The following DHX16 variants were observed in gnomAD, a reference collection of about 807,000 sequenced individuals.
DHX16 encodes pre-mRNA-splicing factor ATP-dependent RNA helicase DHX16.
In DHX16, 81 loss-of-function variants were observed where a neutral mutation model predicts 131.2. The ratio of observed to expected loss-of-function variants is 0.62; its 90% CI spans 0.52 to 0.74. DHX16 has a LOEUF of 0.74. Among genes scored for constraint, DHX16 ranks in the 30% least tolerant of loss-of-function variants. The pLI, the probability that DHX16 is intolerant of heterozygous loss-of-function variation, is 0.00. For missense variants in DHX16, 980 were observed against 1,363.1 expected (o/e 0.72, Z 4.43); for synonymous variants, 440 against 520.2 (o/e 0.85, Z 2.10).
Position 30,656,641 on chromosome 6 carries a change from TG to T in DHX16, c.2266del (p.Gln756ArgfsTer15), listed in dbSNP as rs1462416037. 6.2e-7 allele frequency: 1 copy of T among 1,614,150 alleles called. No individual in the cohort carries two copies. Among genetic ancestry groups the T allele is most frequent in the East Asian group, 2.2e-5 (1 of 44,880 alleles). On this transcript the variant is annotated frameshift_variant, in exon 14 of 20. Coordinates refer to ENST00000376442, the MANE Select transcript of DHX16 (RefSeq NM_003587.5). LOFTEE classifies it high-confidence loss of function. The surrounding 1 kb of genome is among the most constrained non-coding windows in gnomAD (Gnocchi z 5.1). ...CACGACATTGCCCAAGCTGGTCCTCTGGATCTCAGGCACTGTGGTTTCCTCA... is the reference window on the plus strand; with the variant it reads ...CACGACATTGCCCAAGCTGGTCCTCTGATCTCAGGCACTGTGGTTTCCTCA... Reference protein sequence around the residue: ...ELEETTVPEIQRTSLGNVVLL... With the variant: ...ELEETTVPEIXRTSLGNVVLL...
At position 30,662,120 on chromosome 6, in the gene DHX16, G is replaced by A. The variant is rs540843834; in HGVS notation, c.1544+507C>T. The A allele has an allele frequency of 5.8e-6, 3 of 519,430 alleles. No homozygotes were observed. Among genetic ancestry groups the A allele is most frequent in the Admixed American group, 6.3e-5 (2 of 31,628 alleles). The allele number at this position is 519,430 out of a possible 1,614,324, so 32.2% of individuals were successfully genotyped here. A position where few individuals can be genotyped will look rare whatever the true frequency, so the allele number is the denominator to read the frequency against. On this transcript the variant is annotated intron_variant, in intron 9 of 19. Coordinates refer to ENST00000376442, the MANE Select transcript of DHX16 (RefSeq NM_003587.5). The surrounding 1 kb of genome is among the most constrained non-coding windows in gnomAD (Gnocchi z 4.7). ...CAAGCTACCCAAGACTTGTGTGGAGGGCCAAGACCCAGAGTCCAACCACTC... is the reference window on the plus strand; with the variant it reads ...CAAGCTACCCAAGACTTGTGTGGAGAGCCAAGACCCAGAGTCCAACCACTC...
intron 19 of DHX16, 90 bp downstream of exon 19, chr6:30,654,616 C>T (rs1767785349): frequency 3.1e-6 from 4 of 1,309,206 alleles, no homozygotes; most frequent in Admixed American, 2.3e-5. Flanking sequence ...CTGTACCAGT[C>T]CCAGCAACTT....
At position 30,656,774 on chromosome 6, in the gene DHX16, G is replaced by C. The variant is rs200436315; in HGVS notation, c.2149-15C>G. ...TTGGCTGAGGCCTGGAAAGAAAGGG[G>C]AACAGGCTGGCTGACAATTTGGTCA... is the stretch of plus-strand genomic sequence containing the variant. On this transcript the variant is annotated splice_polypyrimidine_tract_variant and intron_variant, in intron 13 of 19. Coordinates refer to ENST00000376442, the MANE Select transcript of DHX16 (RefSeq NM_003587.5). The surrounding 1 kb of genome is among the most constrained non-coding windows in gnomAD (Gnocchi z 5.1). 2.1e-4 allele frequency: 339 copies of C among 1,610,976 alleles called. No homozygotes were observed. Among genetic ancestry groups the C allele is most frequent in the Admixed American group, 3.8e-4 (23 of 59,940 alleles).
At chr6:30,657,242 A>G in intron 12 of DHX16, 150 bp from the exon 13 acceptor site, 2 of 754,192 alleles carry the variant, frequency 2.7e-6, no homozygotes, top group East Asian at 2.8e-5. Context: ...AGCAGGGGAC[A>G]AGGCCAGAAG....
chr6:30,672,498 A>G, intron 1 of DHX16, 137 bp downstream of exon 1: 1 of 769,658 alleles, frequency 1.3e-6, no homozygotes, highest in Non-Finnish European at 2.1e-6. Context: ...CTGGGCGTCC[A>G]GCAGCTAGCA....
Position 30,656,176 on chromosome 6 carries a change from C to A in DHX16, c.2498+22G>T. Reference sequence around the variant, plus strand: ...CCTGGCCTGTTTGTGTGCTGGGGGCCCAGGTGGAGGCGAGGGCTTACTTCT... The same window carrying A: ...CCTGGCCTGTTTGTGTGCTGGGGGCACAGGTGGAGGCGAGGGCTTACTTCT... On this transcript the variant is annotated intron_variant, in intron 16 of 19. Coordinates refer to ENST00000376442, the MANE Select transcript of DHX16 (RefSeq NM_003587.5). The surrounding 1 kb of genome is among the most constrained non-coding windows in gnomAD (Gnocchi z 5.1). The A allele has an allele frequency of 6.2e-7, 1 of 1,611,456 alleles. No homozygotes were observed. The highest frequency in any genetic ancestry group is 8.5e-7 in the Non-Finnish European group (1 of 1,179,784).
chr6:30,672,129 C>G (rs1442953487), intron 1 of DHX16, among the ~76,000 whole-genome samples: 1 of 151,392 alleles, frequency 6.6e-6, no homozygotes, highest in Admixed American at 6.6e-5. Context: ...CGCAACACAC[C>G]AAGGCCTCAT....
intron 16 of DHX16, among the ~76,000 whole-genome samples, chr6:30,655,875 C>A (rs1367068627): frequency 6.6e-6 from 1 of 152,138 alleles, no homozygotes; most frequent in African/African-American, 2.4e-5. Context: ...AGTGTGCATT[C>A]ACTATGTGCA....
Position 30,671,675 on chromosome 6 carries a change from GCATT to G in DHX16, c.208-405_208-402del, listed in dbSNP as rs372834163. ...TACTTAGTTTTAAACCAGCTAACCA[GCATT>G]CATTCTCTTTCTTCCTCATGGCTTC... On this transcript the variant is annotated intron_variant, in intron 1 of 19. Transcript: ENST00000376442. Among the ~76,000 whole-genome samples, 851 of 151,902 alleles carry G rather than the reference GCATT, an allele frequency of 5.6e-3. 11 individuals are homozygous for G. Among genetic ancestry groups the G allele is most frequent in the South Asian group, 0.051 (243 of 4,800 alleles).
At chr6:30,669,945 C>G (rs1325621237) in intron 4 of DHX16, among the ~76,000 whole-genome samples, 1 of 151,968 alleles carries the variant, frequency 6.6e-6, no homozygotes, top group Non-Finnish European at 1.5e-5. Context: ...AGGGAGATCA[C>G]AAAGCCACAT....
In DHX16 at chr6:30,662,779, G is replaced by T; in HGVS notation, c.1429-37C>A. On this transcript the variant is annotated intron_variant, in intron 8 of 19. Coordinates refer to ENST00000376442, the MANE Select transcript of DHX16 (RefSeq NM_003587.5). The surrounding 1 kb of genome is among the most constrained non-coding windows in gnomAD (Gnocchi z 4.7). ...AACCATTAGCAACCAAGTGTGGGCT[G>T]GTGTGCCCTGAAAGGAACTTGGGGA... 6.3e-7 allele frequency: 1 copy of T among 1,593,264 alleles called. No homozygotes were observed. The highest frequency in any genetic ancestry group is 8.6e-7 in the Non-Finnish European group (1 of 1,163,366).
chr6:30,657,165 T>G (rs1768065814), intron 12 of DHX16, 73 bp from the exon 13 acceptor site: 2 of 1,504,380 alleles, frequency 1.3e-6, no homozygotes, highest in Admixed American at 2.0e-5. Flanking sequence ...TCTTGGAAAG[T>G]TAGGAGTAGT....
intron 7 of DHX16, among the ~76,000 whole-genome samples, chr6:30,663,971 G>C (rs1768764094): frequency 6.6e-6 from 1 of 151,866 alleles, no homozygotes; most frequent in Non-Finnish European, 1.5e-5. Context: ...GTTGCAGTGA[G>C]TCAAGATCGC....
At position 30,665,070 on chromosome 6, in the gene DHX16, C is replaced by A; in HGVS notation, c.1125+1G>T. 1 of 1,614,042 alleles carries A rather than the reference C, an allele frequency of 6.2e-7. No homozygotes were observed. Among genetic ancestry groups the A allele is most frequent in the Non-Finnish European group, 8.5e-7 (1 of 1,179,980 alleles). On this transcript the variant is annotated splice_donor_variant, in intron 6 of 19. Transcript: ENST00000376442. LOFTEE classifies it high-confidence loss of function. The surrounding 1 kb of genome is among the most constrained non-coding windows in gnomAD (Gnocchi z 4.8). ...AGAAAGTCTCCCAGCTCCCCTCTTA[C>A]CTCATCACCCTGGAGCTGAGTGGCC...
rs1159591126 is a variant in DHX16 at position 30,655,556 on chromosome 6, AGCATG to A, written c.2535_2539del (p.Met846LeufsTer18). The A allele has an allele frequency of 6.2e-7, 1 of 1,613,072 alleles. No homozygotes were observed. Reference sequence around the variant, plus strand: ...GTAGAAGATGGAGTTGTTGACAGAGAGCATGGCAGCCACTGTCAGGATCTCCTCTG... The same window carrying A: ...GTAGAAGATGGAGTTGTTGACAGAGAGCAGCCACTGTCAGGATCTCCTCTG... On this transcript the variant is annotated frameshift_variant, in exon 17 of 20. Coordinates refer to ENST00000376442, the MANE Select transcript of DHX16 (RefSeq NM_003587.5). LOFTEE classifies it high-confidence loss of function.
intron 16 of DHX16, among the ~76,000 whole-genome samples, chr6:30,655,982 A>G (rs1338877937): frequency 1.3e-5 from 2 of 152,194 alleles, no homozygotes; most frequent in Non-Finnish European, 2.9e-5. Context: ...AGGAACAAGT[A>G]AGTTCCTCAA....
Position 30,664,226 on chromosome 6 carries a change from G to A in DHX16, c.1317+575C>T, listed in dbSNP as rs150940033. ...GGGCTAGGCACAGTGGCTCACACCT[G>A]TAATCCCAGCACTTTGGGAGGCTGA... On this transcript the variant is annotated intron_variant, in intron 7 of 19. Coordinates refer to ENST00000376442, the MANE Select transcript of DHX16 (RefSeq NM_003587.5). 1.7e-3 allele frequency among the ~76,000 whole-genome samples: 261 copies of A among 151,894 alleles called. 1 individual carries two copies. Among genetic ancestry groups the A allele is most frequent in the African/African-American group, 5.7e-3 (237 of 41,382 alleles).
chr6:30,662,886 C>T lies in DHX16; in HGVS notation c.1428+25G>A, dbSNP rs759397563. The T allele has an allele frequency of 1.2e-5, 19 of 1,599,298 alleles. No individual in the cohort carries two copies. The highest frequency in any genetic ancestry group is 2.2e-5 in the East Asian group (1 of 44,848). On this transcript the variant is annotated intron_variant, in intron 8 of 19. Coordinates refer to ENST00000376442, the MANE Select transcript of DHX16 (RefSeq NM_003587.5). This position sits in a 1 kb window ranked among gnomAD's most constrained non-coding sequence, Gnocchi z 4.7. ...ACTGAGTCACAGACCCCAGACTCTA[C>T]CCCCCGGTTCCCTAGAAATCTCACC... is the stretch of plus-strand genomic sequence containing the variant.
Position 30,660,117 on chromosome 6 carries a change from G to A in DHX16, c.1670C>T (p.Thr557Ile), listed in dbSNP as rs761015254. The A allele has an allele frequency of 3.1e-6, 5 of 1,612,148 alleles. No individual in the cohort carries two copies. Among genetic ancestry groups the A allele is most frequent in the East Asian group, 2.2e-5 (1 of 44,876 alleles). ...ATCAAAGAAGGTGGAAAAACGGGCAGTGTCCATTGTGGCTGAAGCCACCAG... is the reference window on the plus strand; with the variant it reads ...ATCAAAGAAGGTGGAAAAACGGGCAATGTCCATTGTGGCTGAAGCCACCAG... ...KVLVASATMD[T>I]ARFSTFFDDA... Residue 557 changes from threonine to isoleucine, a missense_variant, in exon 10 of 20, where the codon ACT becomes ATT. This residue lies in a region of DHX16 where 309 missense variants were observed against 537.1 expected (regional missense o/e 0.58). Transcript: ENST00000376442.
Sources: allele counts gnomAD v4.1 joint callset (sites outside exome capture counted in the v4.1 genomes callset), GRCh38; gene constraint gnomAD v4.1.1; regional missense constraint gnomAD v4.1.1; non-coding constraint Gnocchi (gnomAD v3.1); transcripts MANE v1.5; gene names NCBI Gene and HGNC (gene_info 2026-07-23, HGNC 2026-07-21).